The following TMEM178B variants were observed in gnomAD, a reference collection of about 807,000 sequenced individuals.
TMEM178B encodes the protein transmembrane protein 178B.
TMEM178B carries 5 observed loss-of-function variants against 31.0 expected under a neutral mutation model. That is an observed-to-expected ratio of 0.16 (90% CI 0.08 to 0.34). TMEM178B has a LOEUF of 0.34. TMEM178B is among the 10% of genes least tolerant of loss of function. The pLI is 1.00. For missense variants in TMEM178B, 275 were observed against 400.3 expected, an observed-to-expected ratio of 0.69 and a Z score of 2.67; for synonymous variants, 164 against 164.0, an observed-to-expected ratio of 1.00 and a Z score of 0.00.
At chr7:141,455,608 G>A (rs147530171) in intron 3 of TMEM178B, among the ~76,000 whole-genome samples, 2 of 152,328 alleles carry the variant, frequency 1.3e-5, no homozygotes, top group South Asian at 2.1e-4. Flanking sequence ...ACCTCTCTGT[G>A]CCTCATTTTC....
At chr7:141,167,548 T>C (rs1437056265) in intron 1 of TMEM178B, among the ~76,000 whole-genome samples, 2 of 152,216 alleles carry the variant, frequency 1.3e-5, no homozygotes, top group African/African-American at 4.8e-5. Context: ...ACAAAGGGCC[T>C]GGATCTATGT....
chr7:141,082,280 A>T (rs976473085), intron 1 of TMEM178B, among the ~76,000 whole-genome samples: 1 of 152,230 alleles, frequency 6.6e-6, no homozygotes, highest in Non-Finnish European at 1.5e-5. Context: ...ACTGGAGTTC[A>T]GGAGGTTTCA....
At chr7:141,315,200 G>T (rs1231099489) in intron 2 of TMEM178B, among the ~76,000 whole-genome samples, 2 of 152,140 alleles carry the variant, frequency 1.3e-5, no homozygotes, top group Non-Finnish European at 2.9e-5. Context: ...TGATCTTTCT[G>T]CCAGCCTCTG....
At chr7:141,129,714 G>T (rs1170845490) in intron 1 of TMEM178B, among the ~76,000 whole-genome samples, 1 of 152,142 alleles carries the variant, frequency 6.6e-6, no homozygotes, top group African/African-American at 2.4e-5. Flanking sequence ...CCTCAGGAGG[G>T]CCTGAGAACA....
At chr7:141,164,115 G>A (rs1264252902) in intron 1 of TMEM178B, among the ~76,000 whole-genome samples, 2 of 152,090 alleles carry the variant, frequency 1.3e-5, no homozygotes, top group African/African-American at 4.8e-5. Context: ...AGATACAATA[G>A]TACACATTTT....
chr7:141,204,483 A>T (rs1019105050), intron 1 of TMEM178B, among the ~76,000 whole-genome samples: 1 of 152,180 alleles, frequency 6.6e-6, no homozygotes, highest in South Asian at 2.1e-4. Context: ...AGGAGCGTCC[A>T]CTGCAGCTTC....
chr7:141,356,863 C>G (rs1364112571), intron 2 of TMEM178B, among the ~76,000 whole-genome samples: 3 of 152,090 alleles, frequency 2.0e-5, no homozygotes, highest in Non-Finnish European at 4.4e-5. Flanking sequence ...TGCAGTCACT[C>G]TCTACCCACT....
At chr7:141,106,900 C>G (rs1795156211) in intron 1 of TMEM178B, among the ~76,000 whole-genome samples, 1 of 152,172 alleles carries the variant, frequency 6.6e-6, no homozygotes, top group Non-Finnish European at 1.5e-5. Flanking sequence ...CCTGTTCTGC[C>G]TGAGCCTAGT....
intron 2 of TMEM178B, among the ~76,000 whole-genome samples, chr7:141,407,838 A>G (rs567618534): frequency 1.4e-4 from 21 of 152,372 alleles, no homozygotes; most frequent in South Asian, 1.2e-3. Context: ...AGAATTTTAT[A>G]GCTGGAACAC....
intron 1 of TMEM178B, among the ~76,000 whole-genome samples, chr7:141,152,463 A>G (rs562035072): frequency 6.6e-6 from 1 of 152,260 alleles, no homozygotes; most frequent in Non-Finnish European, 1.5e-5. Context: ...CCTGATGCTC[A>G]TTTATAGACT....
At chr7:141,229,100 G>GGTGTGTGT (rs3035765) in intron 2 of TMEM178B, among the ~76,000 whole-genome samples, 8,586 of 134,638 alleles carry the variant, frequency 0.064, 350 homozygotes, top group Non-Finnish European at 0.079. Flanking sequence ...GTGTGTGTGT[G>GGTGTGTGT]GTGTGTGTGT....
intron 2 of TMEM178B, among the ~76,000 whole-genome samples, chr7:141,353,362 A>G (rs1799767197): frequency 6.6e-6 from 1 of 151,982 alleles, no homozygotes; most frequent in Non-Finnish European, 1.5e-5. Context: ...TTGAGCTGGC[A>G]TGCCCTCACC....
intron 2 of TMEM178B, among the ~76,000 whole-genome samples, chr7:141,220,741 G>A (rs752850044): frequency 2.0e-5 from 3 of 152,242 alleles, no homozygotes; most frequent in Non-Finnish European, 4.4e-5. Flanking sequence ...CAGATTGGAA[G>A]TGGTTTTCTT....
chr7:141,394,932 A>G (rs1279036530), intron 2 of TMEM178B, among the ~76,000 whole-genome samples: 2 of 152,144 alleles, frequency 1.3e-5, no homozygotes, highest in Non-Finnish European at 2.9e-5. Context: ...TGTTTTAACT[A>G]TGTGTTCCCC....
chr7:141,463,715 A>G (rs1343464160), intron 3 of TMEM178B, among the ~76,000 whole-genome samples: 2 of 152,240 alleles, frequency 1.3e-5, no homozygotes, highest in African/African-American at 4.8e-5. Flanking sequence ...GCATGGGAAC[A>G]GCCAGTGCAA....
chr7:141,257,879 T>C (rs1466863105), intron 2 of TMEM178B, among the ~76,000 whole-genome samples: 44 of 151,994 alleles, frequency 2.9e-4, no homozygotes, highest in Admixed American at 2.9e-3. Context: ...TGCTATTTCT[T>C]TTCTATATGG....
chr7:141,281,351 C>G (rs1243745225), intron 2 of TMEM178B, among the ~76,000 whole-genome samples: 2 of 152,094 alleles, frequency 1.3e-5, no homozygotes, highest in African/African-American at 4.8e-5. Flanking sequence ...GAACACCACT[C>G]ACATGAGCAG....
chr7:141,330,922 A>C (rs1418278744), intron 2 of TMEM178B, among the ~76,000 whole-genome samples: 1 of 152,174 alleles, frequency 6.6e-6, no homozygotes, highest in African/African-American at 2.4e-5. Flanking sequence ...TTCTGCCTTT[A>C]ATTTGAAGGT....
intron 2 of TMEM178B, among the ~76,000 whole-genome samples, chr7:141,316,760 A>G (rs1799013282): frequency 1.3e-5 from 2 of 152,220 alleles, no homozygotes; most frequent in African/African-American, 4.8e-5. Context: ...CTTATTCATC[A>G]AGATGTTTTT....
Sources: allele counts gnomAD v4.1 joint callset (sites outside exome capture counted in the v4.1 genomes callset), GRCh38; gene constraint gnomAD v4.1.1; transcripts MANE v1.5; gene names NCBI Gene and HGNC (gene_info 2026-07-23, HGNC 2026-07-21).